Variants in PWWP3B observed in about 807,000 individuals in gnomAD.
PWWP3B encodes the protein PWWP domain-containing DNA repair factor 3B.
Under a neutral mutation model 15.7 loss-of-function variants are expected in PWWP3B, and 5 were observed. The observed-to-expected ratio is 0.32, with a 90% CI of 0.17 to 0.67. PWWP3B has a LOEUF of 0.67. Among genes scored for constraint, PWWP3B ranks in the 30% least tolerant of loss-of-function variants. PWWP3B has a pLI of 0.74. For missense variants in PWWP3B, 519 were observed against 493.1 expected (o/e 1.05, Z -0.50); for synonymous variants, 203 against 179.8 (o/e 1.13, Z -1.03).
intron 3 of PWWP3B, among the ~76,000 whole-genome samples, chrX:106,204,404 C>A (rs1923872760): frequency 8.9e-6 from 1 of 112,074 alleles, no homozygotes; most frequent in South Asian, 3.7e-4. Flanking sequence ...GGAGAAGAAT[C>A]TCACTTTTTA....
At chrX:106,195,363 T>C (rs1347916924) in intron 2 of PWWP3B, among the ~76,000 whole-genome samples, 2 of 112,061 alleles carry the variant, frequency 1.8e-5, no homozygotes, top group African/African-American at 6.5e-5. Context: ...GTCCAATTTA[T>C]TAATTTTTTA....
intron 2 of PWWP3B, among the ~76,000 whole-genome samples, chrX:106,171,854 G>T (rs775927312): frequency 1.8e-5 from 2 of 110,553 alleles, no homozygotes; most frequent in Non-Finnish European, 3.8e-5. Flanking sequence ...CTACAACATG[G>T]TGCTGTTGTC....
At chrX:106,201,430 A>G (rs1394382110) in intron 2 of PWWP3B, among the ~76,000 whole-genome samples, 1 of 112,862 alleles carries the variant, frequency 8.9e-6, no homozygotes, top group Non-Finnish European at 1.9e-5. Flanking sequence ...AGAAAAAAAT[A>G]TGTAAGGAAT....
At chrX:106,169,942 A>G (rs762624716) in intron 1 of PWWP3B, among the ~76,000 whole-genome samples, 8 of 111,771 alleles carry the variant, frequency 7.2e-5, no homozygotes, top group Non-Finnish European at 1.3e-4. Flanking sequence ...AATTGGAGAA[A>G]TCTGGAAATA....
chrX:106,194,610 A>G (rs1345029360), intron 2 of PWWP3B, among the ~76,000 whole-genome samples: 1 of 111,355 alleles, frequency 9.0e-6, no homozygotes, highest in Non-Finnish European at 1.9e-5. Context: ...GGAGGAGGAG[A>G]GGCACTCTGA....
chrX:106,193,476 A>T (rs1179069565), intron 2 of PWWP3B, among the ~76,000 whole-genome samples: 1 of 111,355 alleles, frequency 9.0e-6, no homozygotes, highest in Admixed American at 9.5e-5. Flanking sequence ...ACACTGATGG[A>T]TCTTGACTCT....
chrX:106,187,010 G>A (rs977836062), intron 2 of PWWP3B, among the ~76,000 whole-genome samples: 3 of 111,899 alleles, frequency 2.7e-5, no homozygotes, highest in African/African-American at 9.8e-5. Flanking sequence ...AGACAGAAAA[G>A]TTCTCCAAGT....
intron 3 of PWWP3B, among the ~76,000 whole-genome samples, chrX:106,204,736 C>T (rs1285090200): frequency 8.9e-6 from 1 of 111,894 alleles, no homozygotes; most frequent in Non-Finnish European, 1.9e-5. Flanking sequence ...GCATTAGAGG[C>T]ACTTGAGAAC....
intron 2 of PWWP3B, among the ~76,000 whole-genome samples, chrX:106,194,160 C>T (rs901905599): frequency 1.3e-4 from 15 of 111,800 alleles, no homozygotes; most frequent in South Asian, 3.8e-4. Context: ...CCATTCTCCC[C>T]GTCACTTTCA....
At chrX:106,195,909 A>C (rs1923348793) in intron 2 of PWWP3B, among the ~76,000 whole-genome samples, 1 of 111,641 alleles carries the variant, frequency 9.0e-6, no homozygotes, top group South Asian at 3.7e-4. Context: ...TTAGTATTTC[A>C]GTTATTCAGT....
intron 2 of PWWP3B, among the ~76,000 whole-genome samples, chrX:106,197,334 G>A (rs1353560575): frequency 9.0e-6 from 1 of 111,556 alleles, no homozygotes; most frequent in Non-Finnish European, 1.9e-5. Context: ...GAAATTAGGG[G>A]GTTTCCTATC....
chrX:106,207,563 G>C lies in PWWP3B; in HGVS notation c.*40G>C. The C allele has an allele frequency of 9.2e-7, 1 of 1,087,559 alleles. No homozygotes were observed. The highest frequency in any genetic ancestry group is 3.3e-5 in the East Asian group (1 of 30,215). The allele number at this position is 1,087,559 out of a possible 1,213,427, so 89.6% of individuals were successfully genotyped here. On this transcript the variant is annotated 3_prime_UTR_variant, in exon 4 of 4. Coordinates refer to ENST00000357175, the MANE Select transcript of PWWP3B (RefSeq NM_001171020.2). The stretch of plus-strand genomic sequence containing the variant: ...GAAACCATGACAGGGAGCTCTCATA[G>C]ATACTAGTTGAAAAAAGTCTCTGAA...
At chrX:106,203,174 ACTT>A (rs1569366033) in intron 2 of PWWP3B, among the ~76,000 whole-genome samples, 1 of 111,927 alleles carries the variant, frequency 8.9e-6, no homozygotes, top group African/African-American at 3.2e-5. Flanking sequence ...ATGTAAAAAA[ACTT>A]CTAGAAATAC....
chrX:106,173,350 G>A lies in PWWP3B; in HGVS notation c.-401+2211G>A, dbSNP rs1275717785. 5.4e-5 allele frequency among the ~76,000 whole-genome samples: 6 copies of A among 111,706 alleles called. No homozygotes were observed. In the East Asian group the frequency reaches 1.1e-3, roughly 21 times the overall value. On this transcript the variant is annotated intron_variant, in intron 2 of 3. Transcript: ENST00000357175. ...TTTATTACACAACAGAGAAAATAACGATGGGATATTGGGTTTGTGTTATAA... is the reference window on the plus strand; with the variant it reads ...TTTATTACACAACAGAGAAAATAACAATGGGATATTGGGTTTGTGTTATAA...
chrX:106,175,248 T>C (rs1173488843), intron 2 of PWWP3B, among the ~76,000 whole-genome samples: 4 of 91,207 alleles, frequency 4.4e-5, no homozygotes, highest in Non-Finnish European at 8.8e-5. Flanking sequence ...TTTTTTTTTT[T>C]TTTTTTTTTT....
At position 106,182,865 on chromosome X, in the gene PWWP3B, T is replaced by C. The variant is rs183444421; in HGVS notation, c.-401+11726T>C. 5.4e-5 allele frequency among the ~76,000 whole-genome samples: 6 copies of C among 111,537 alleles called. No homozygotes were observed. The Admixed American group carries it at 5.7e-4, about 11-fold the overall frequency. ...AGATAAAGCTTATGTAGGTTTTCAC[T>C]TATCTTTTTTAAGGAGGAAGGGGTT... is the stretch of plus-strand genomic sequence containing the variant. On this transcript the variant is annotated intron_variant, in intron 2 of 3. Transcript: ENST00000357175.
At chrX:106,192,546 TTC>T (rs1332801714) in intron 2 of PWWP3B, among the ~76,000 whole-genome samples, 3 of 111,515 alleles carry the variant, frequency 2.7e-5, no homozygotes, top group Admixed American at 9.5e-5. Context: ...TTTCCTTCAG[TTC>T]TGCTCTGATC....
intron 2 of PWWP3B, among the ~76,000 whole-genome samples, chrX:106,177,062 G>A (rs751568097): frequency 8.9e-6 from 1 of 112,835 alleles, no homozygotes; most frequent in Non-Finnish European, 1.9e-5. Flanking sequence ...TATGGTAAAG[G>A]CATTTCTACC....
intron 2 of PWWP3B, among the ~76,000 whole-genome samples, chrX:106,185,508 T>C (rs753029968): frequency 9.0e-6 from 1 of 111,292 alleles, no homozygotes; most frequent in South Asian, 3.8e-4. Flanking sequence ...GCAGCAGAAA[T>C]ACTAGTTTTC....
Sources: gnomAD v4.1 joint callset for allele counts (sites outside exome capture counted in the v4.1 genomes callset) on GRCh38, gnomAD v4.1.1 for gene constraint, MANE v1.5 for transcripts, NCBI Gene and HGNC (gene_info 2026-07-23, HGNC 2026-07-21) for gene names.